Variants in ELOVL6 observed in about 807,000 individuals in gnomAD.
ELOVL6 encodes ELOVL fatty acid elongase 6, also known as very long chain fatty acid elongase 6.
Under a neutral mutation model 31.7 loss-of-function variants are expected in ELOVL6, and 8 were observed. The observed-to-expected ratio is 0.25, with a 90% CI of 0.15 to 0.45. ELOVL6 has a LOEUF of 0.45. Ranked by LOEUF, ELOVL6 falls within the 20% of genes least tolerant of loss-of-function variation. The probability of loss-of-function intolerance (pLI) is 1.00; values close to 1 mark genes in which losing one functional copy is unlikely to be tolerated. For missense variants in ELOVL6, 126 were observed against 326.4 expected (o/e 0.39, Z 4.73); for synonymous variants, 101 against 117.7 (o/e 0.86, Z 0.92).
intron 1 of ELOVL6, among the ~76,000 whole-genome samples, chr4:110,175,811 G>A (rs1013917551): frequency 3.3e-5 from 5 of 152,114 alleles, no homozygotes; most frequent in Admixed American, 2.0e-4. Flanking sequence ...TCATAGGAAG[G>A]GTAAGTGAGA....
At chr4:110,069,918 CT>C (rs1179145827) in intron 2 of ELOVL6, among the ~76,000 whole-genome samples, 3 of 152,160 alleles carry the variant, frequency 2.0e-5, no homozygotes, top group African/African-American at 7.2e-5. Context: ...TGCAAGATGC[CT>C]TCTGGCCTGT....
chr4:110,151,680 G>A (rs2126265570), intron 1 of ELOVL6, among the ~76,000 whole-genome samples: 1 of 152,288 alleles, frequency 6.6e-6, no homozygotes, highest in South Asian at 2.1e-4. Flanking sequence ...GCATTTGTGG[G>A]CCATAAAGAA....
At chr4:110,065,675 C>T (rs949043539) in intron 2 of ELOVL6, among the ~76,000 whole-genome samples, 2 of 152,120 alleles carry the variant, frequency 1.3e-5, no homozygotes, top group Admixed American at 6.5e-5. Context: ...TTGACCATGA[C>T]GTCTGACCAT....
intron 1 of ELOVL6, chr4:110,146,366 C>T (rs570730034): frequency 6.6e-6 from 1 of 152,290 alleles, no homozygotes; most frequent in East Asian, 1.9e-4. Context: ...AGTAAAACCT[C>T]TTCCTCTATG....
At chr4:110,066,966 G>A (rs1168064540) in intron 2 of ELOVL6, among the ~76,000 whole-genome samples, 3 of 150,970 alleles carry the variant, frequency 2.0e-5, no homozygotes, top group East Asian at 2.0e-4. Flanking sequence ...CCCTCCCTGC[G>A]TCCATGTGTT....
Position 110,158,657 on chromosome 4 carries a change from A to ATATATTTTTTTTT in ELOVL6, c.89+39589_89+39590insAAAAAAAAATATA. On this transcript the variant is annotated intron_variant, in intron 1 of 3. Transcript: ENST00000302274. ...CGTGTATATATATATATATATATAT[A>ATATATTTTTTTTT]TTTTTTTTTTTTTTTTTTTTGAGAC... is the stretch of plus-strand genomic sequence containing the variant. Among the ~76,000 whole-genome samples the ATATATTTTTTTTT allele has an allele frequency of 7.0e-4, 52 of 74,154 alleles. 1 individual carries two copies. Among genetic ancestry groups the ATATATTTTTTTTT allele is most frequent in the African/African-American group, 3.4e-3 (41 of 12,072 alleles). The allele number at this position is 74,154 out of a possible 152,430, so 48.6% of individuals were successfully genotyped here.
intron 1 of ELOVL6, among the ~76,000 whole-genome samples, chr4:110,185,317 G>A (rs1759406376): frequency 6.6e-6 from 1 of 152,086 alleles, no homozygotes; most frequent in African/African-American, 2.4e-5. Flanking sequence ...AAATTTTGTA[G>A]AATGTCATGT....
chr4:110,068,341 T>A (rs1755365903), intron 2 of ELOVL6, among the ~76,000 whole-genome samples: 1 of 152,202 alleles, frequency 6.6e-6, no homozygotes, highest in Non-Finnish European at 1.5e-5. Context: ...AGCCTGTCTG[T>A]GCTGAAGACT....
intron 1 of ELOVL6, among the ~76,000 whole-genome samples, chr4:110,187,695 TA>T (rs138104384): frequency 0.11 from 14,567 of 129,982 alleles, 740 homozygotes; most frequent in African/African-American, 0.15. Flanking sequence ...AAACTCCATC[TA>T]AAAAAAAAAA....
intron 1 of ELOVL6, among the ~76,000 whole-genome samples, chr4:110,106,174 T>C (rs966742322): frequency 4.6e-5 from 7 of 152,078 alleles, no homozygotes. Context: ...CTGGCCAACA[T>C]GGTAAAACTC....
intron 2 of ELOVL6, among the ~76,000 whole-genome samples, chr4:110,102,862 C>T (rs527963162): frequency 2.0e-5 from 3 of 150,636 alleles, no homozygotes; most frequent in South Asian, 2.1e-4. Flanking sequence ...CAGCTGGGTC[C>T]CCACCAAAAT....
intron 2 of ELOVL6, among the ~76,000 whole-genome samples, chr4:110,073,466 A>G (rs902643006): frequency 1.3e-5 from 2 of 152,214 alleles, no homozygotes; most frequent in Non-Finnish European, 1.5e-5. Context: ...ACGCAAACTC[A>G]GTGGGTATTT....
At chr4:110,119,033 C>T (rs1757268317) in intron 1 of ELOVL6, among the ~76,000 whole-genome samples, 1 of 152,058 alleles carries the variant, frequency 6.6e-6, no homozygotes, top group African/African-American at 2.4e-5. Flanking sequence ...CACTGCCCTC[C>T]AGCCTGGGCC....
chr4:110,181,721 T>A (rs1432692879), intron 1 of ELOVL6, among the ~76,000 whole-genome samples: 1 of 152,172 alleles, frequency 6.6e-6, no homozygotes, highest in East Asian at 1.9e-4. Context: ...CCATCTTTCT[T>A]CTCTCAGAAA....
At chr4:110,081,405 ATGG>A (rs1755845223) in intron 2 of ELOVL6, among the ~76,000 whole-genome samples, 1 of 152,202 alleles carries the variant, frequency 6.6e-6, no homozygotes, top group African/African-American at 2.4e-5. Flanking sequence ...ATATAGACCA[ATGG>A]AACAGAATGG....
intron 1 of ELOVL6, among the ~76,000 whole-genome samples, chr4:110,110,563 C>T (rs1238424920): frequency 6.6e-6 from 1 of 151,790 alleles, no homozygotes; most frequent in Non-Finnish European, 1.5e-5. Context: ...GCGCCTGATT[C>T]TTTTAATTTT....
chr4:110,189,592 C>CAAAAAAA (rs761765202), intron 1 of ELOVL6, among the ~76,000 whole-genome samples: 1 of 75,342 alleles, frequency 1.3e-5, no homozygotes. Flanking sequence ...GACTCTGTCT[C>CAAAAAAA]AAAAAAAAAA....
At chr4:110,058,274 TTG>T (rs1366815670) in intron 3 of ELOVL6, among the ~76,000 whole-genome samples, 1 of 151,744 alleles carries the variant, frequency 6.6e-6, no homozygotes, top group East Asian at 2.0e-4. Flanking sequence ...GTGTAGGCGT[TTG>T]TGTGTCTGTT....
chr4:110,107,056 A>C (rs1756910154), intron 1 of ELOVL6, among the ~76,000 whole-genome samples: 1 of 152,212 alleles, frequency 6.6e-6, no homozygotes, highest in Non-Finnish European at 1.5e-5. Context: ...ACATAATATC[A>C]AAAGCAAAAT....
Sources: allele counts gnomAD v4.1 joint callset (sites outside exome capture counted in the v4.1 genomes callset), GRCh38; gene constraint gnomAD v4.1.1; transcripts MANE v1.5; gene names NCBI Gene and HGNC (gene_info 2026-07-23, HGNC 2026-07-21).